Variants in TSPAN18 observed in about 807,000 individuals in gnomAD.
TSPAN18 encodes the protein tetraspanin 18.
In TSPAN18, 14 loss-of-function variants were observed where a neutral mutation model predicts 27.3. The ratio of observed to expected loss-of-function variants is 0.51; its 90% CI spans 0.34 to 0.80. The LOEUF (loss-of-function observed/expected upper bound fraction) is 0.80. Ranked by LOEUF, TSPAN18 falls within the 30% of genes least tolerant of loss-of-function variation. TSPAN18 has a pLI of 0.01. For synonymous variants in TSPAN18, 143 were observed against 136.5 expected (o/e 1.05, Z -0.33); for missense variants, 268 against 323.9 (o/e 0.83, Z 1.32).
At chr11:44,754,574 C>G (rs554206719) in intron 1 of TSPAN18, among the ~76,000 whole-genome samples, 10 of 152,326 alleles carry the variant, frequency 6.6e-5, no homozygotes, top group Middle Eastern at 6.8e-3. Flanking sequence ...TATCTTTGCT[C>G]AAACAGCCCA....
intron 3 of TSPAN18, chr11:44,901,400 A>G (rs1442138651): frequency 6.6e-6 from 1 of 152,264 alleles, no homozygotes; most frequent in Non-Finnish European, 1.5e-5. Flanking sequence ...ATTGCTAAAG[A>G]GCCAGAGCCG....
intron 2 of TSPAN18, among the ~76,000 whole-genome samples, chr11:44,830,418 G>A (rs1857130768): frequency 6.6e-6 from 1 of 152,218 alleles, no homozygotes; most frequent in Non-Finnish European, 1.5e-5. Flanking sequence ...CGTGGTACTT[G>A]GCATAAAGGT....
chr11:44,920,541 A>G (rs558530373), intron 8 of TSPAN18, among the ~76,000 whole-genome samples: 19 of 152,130 alleles, frequency 1.2e-4, no homozygotes, highest in African/African-American at 4.3e-4. Context: ...TGCACGTGCC[A>G]TTTCTAGGGA....
At chr11:44,861,611 A>G (rs1857888570) in intron 3 of TSPAN18, among the ~76,000 whole-genome samples, 1 of 151,712 alleles carries the variant, frequency 6.6e-6, no homozygotes, top group Non-Finnish European at 1.5e-5. Context: ...GGAGAAAGGA[A>G]TGCTGGGCAG....
intron 3 of TSPAN18, among the ~76,000 whole-genome samples, chr11:44,903,106 G>A (rs901405574): frequency 6.6e-6 from 1 of 151,934 alleles, no homozygotes; most frequent in Non-Finnish European, 1.5e-5. Context: ...TGATGTTATG[G>A]TATATATTTT....
intron 2 of TSPAN18, among the ~76,000 whole-genome samples, chr11:44,817,868 C>T (rs1336613534): frequency 2.0e-5 from 3 of 152,244 alleles, no homozygotes; most frequent in African/African-American, 7.2e-5. Context: ...CCCAGGTCAC[C>T]TGACCACTGT....
Position 44,919,673 on chromosome 11 carries a change from A to G in TSPAN18, c.433-144A>G, listed in dbSNP as rs1860049723. 1.5e-5 allele frequency: 12 copies of G among 807,392 alleles called. No individual in the cohort carries two copies. In the Admixed American group the frequency reaches 2.7e-4, roughly 18 times the overall value. The allele number at this position is 807,392 out of a possible 1,614,324, so 50.0% of individuals were successfully genotyped here. On this transcript the variant is annotated intron_variant, in intron 7 of 9. Coordinates refer to ENST00000520358, the MANE Select transcript of TSPAN18 (RefSeq NM_130783.5). ...CCCAGAGAAGCTGAGTGGCTTTCCC[A>G]TGGTCACACAGTGGTGACAGGTGGA...
intron 2 of TSPAN18, among the ~76,000 whole-genome samples, chr11:44,858,268 A>G (rs1215752928): frequency 1.3e-5 from 2 of 152,008 alleles, no homozygotes; most frequent in Admixed American, 6.6e-5. Context: ...CCCTGGGCCC[A>G]TTGTCCACAG....
intron 1 of TSPAN18, among the ~76,000 whole-genome samples, chr11:44,762,443 G>A (rs973754646): frequency 3.9e-5 from 6 of 152,206 alleles, no homozygotes; most frequent in Non-Finnish European, 7.3e-5. Context: ...ATGCATACAC[G>A]TATTTGATTA....
rs192411502 is a variant in TSPAN18, at chr11:44,757,643, C to T, written c.-239-6783C>T. 9.5e-4 allele frequency among the ~76,000 whole-genome samples: 145 copies of T among 152,278 alleles called. 1 individual carries two copies. Among genetic ancestry groups the T allele is most frequent in the African/African-American group, 3.4e-3 (142 of 41,556 alleles). On this transcript the variant is annotated intron_variant, in intron 1 of 9. Coordinates refer to ENST00000520358, the MANE Select transcript of TSPAN18 (RefSeq NM_130783.5). ...CAAGAGATCTGCCCATCTCTTCCTC[C>T]CAAAGTGCTAGGATTACAGGCAGTG...
chr11:44,865,001 C>G (rs1857997861), intron 3 of TSPAN18, among the ~76,000 whole-genome samples: 1 of 152,202 alleles, frequency 6.6e-6, no homozygotes, highest in Admixed American at 6.5e-5. Flanking sequence ...AGTGGATTTA[C>G]TGGAATCGGT....
At chr11:44,811,584 C>T (rs937598449) in intron 2 of TSPAN18, among the ~76,000 whole-genome samples, 14 of 152,010 alleles carry the variant, frequency 9.2e-5, no homozygotes, top group African/African-American at 3.1e-4. Context: ...CTCAGCCTCC[C>T]GAGAAGCTGG....
chr11:44,755,677 C>T (rs1855315829), intron 1 of TSPAN18, among the ~76,000 whole-genome samples: 1 of 151,986 alleles, frequency 6.6e-6, no homozygotes, highest in Non-Finnish European at 1.5e-5. Context: ...CCATAAATTG[C>T]AGAGCTTTTA....
intron 2 of TSPAN18, among the ~76,000 whole-genome samples, chr11:44,801,808 G>A (rs1266179181): frequency 1.3e-5 from 2 of 152,132 alleles, no homozygotes; most frequent in East Asian, 3.9e-4. Context: ...GAGGTGGGAG[G>A]ATCAATTAAA....
intron 2 of TSPAN18, among the ~76,000 whole-genome samples, chr11:44,853,087 A>G (rs835808): frequency 0.75 from 114,663 of 152,158 alleles, 43,440 homozygotes; most frequent in East Asian, 0.89. Context: ...CAGCAGGTGG[A>G]GAAGTTAGAC....
chr11:44,751,238 C>A (rs1413807674), intron 1 of TSPAN18, among the ~76,000 whole-genome samples: 1 of 152,184 alleles, frequency 6.6e-6, no homozygotes, highest in East Asian at 1.9e-4. Flanking sequence ...GCTCCCTGCA[C>A]ACTTTGTGTT....
chr11:44,777,434 A>T (rs1855838119), intron 2 of TSPAN18, among the ~76,000 whole-genome samples: 1 of 152,128 alleles, frequency 6.6e-6, no homozygotes. Flanking sequence ...GCACCTACTT[A>T]TGCCAAGCTG....
At chr11:44,865,747 G>T (rs938905746) in intron 3 of TSPAN18, among the ~76,000 whole-genome samples, 1 of 152,174 alleles carries the variant, frequency 6.6e-6, no homozygotes, top group Non-Finnish European at 1.5e-5. Context: ...CCTGGTGGCT[G>T]TTGCAGCCAG....
At chr11:44,740,374 C>T (rs184922314) in intron 1 of TSPAN18, among the ~76,000 whole-genome samples, 5 of 152,286 alleles carry the variant, frequency 3.3e-5, no homozygotes, top group Admixed American at 3.3e-4. Context: ...ATTTTCCTTT[C>T]CAGAGCCTTC....
Sources: gnomAD v4.1 joint callset for allele counts (sites outside exome capture counted in the v4.1 genomes callset) on GRCh38, gnomAD v4.1.1 for gene constraint, MANE v1.5 for transcripts, NCBI Gene and HGNC (gene_info 2026-07-23, HGNC 2026-07-21) for gene names.